The following STPG2 variants were observed in gnomAD, a reference collection of about 807,000 sequenced individuals.
STPG2 encodes sperm-tail PG-rich repeat-containing protein 2.
STPG2 carries 56 observed loss-of-function variants against 54.2 expected under a neutral mutation model. The observed-to-expected ratio is 1.03, with a 90% CI of 0.83 to 1.29. STPG2 has a LOEUF of 1.29. Ranked by LOEUF, STPG2 falls within the 50% of genes most tolerant of loss-of-function variation. The pLI is 0.00. For missense variants in STPG2, 596 were observed against 544.9 expected (o/e 1.09, Z -0.93); for synonymous variants, 200 against 181.8 (o/e 1.10, Z -0.81).
chr4:97,523,316 C>T (rs1438443404), intron 4 of STPG2, among the ~76,000 whole-genome samples: 2 of 151,708 alleles, frequency 1.3e-5, no homozygotes, highest in African/African-American at 4.8e-5. Flanking sequence ...TCATTTTTAT[C>T]ATCTATAAAA....
intron 10 of STPG2, among the ~76,000 whole-genome samples, chr4:97,665,735 A>C (rs1722503050): frequency 6.6e-6 from 1 of 152,030 alleles, no homozygotes; most frequent in African/African-American, 2.4e-5. Flanking sequence ...GCGGAGGGGT[A>C]CCTGCAGACC....
intron 4 of STPG2, among the ~76,000 whole-genome samples, chr4:97,469,946 A>G (rs1401037209): frequency 6.6e-6 from 1 of 152,060 alleles, no homozygotes; most frequent in East Asian, 1.9e-4. Context: ...AATTAAAGAG[A>G]TTTTAATTTG....
At chr4:97,858,457 A>C (rs1729400911) in intron 8 of STPG2, among the ~76,000 whole-genome samples, 1 of 152,152 alleles carries the variant, frequency 6.6e-6, no homozygotes. Flanking sequence ...TTTCAGTTGC[A>C]CAAAGAAGTT....
chr4:97,764,112 GCA>G (rs3974908), intron 9 of STPG2, among the ~76,000 whole-genome samples: 10,126 of 140,564 alleles, frequency 0.072, 331 homozygotes, highest in Non-Finnish European at 0.078. Flanking sequence ...AACACCACAT[GCA>G]CACACACACA....
At chr4:97,865,761 T>C (rs1360486949) in intron 8 of STPG2, among the ~76,000 whole-genome samples, 1 of 151,922 alleles carries the variant, frequency 6.6e-6, no homozygotes, top group Non-Finnish European at 1.5e-5. Context: ...AATGAGGAGT[T>C]AATGGTGCAG....
intron 10 of STPG2, among the ~76,000 whole-genome samples, chr4:97,665,974 A>G (rs1722509109): frequency 6.6e-6 from 1 of 152,146 alleles, no homozygotes; most frequent in African/African-American, 2.4e-5. Context: ...GCAGGCACTT[A>G]CAAGCCTATG....
chr4:97,733,607 T>A (rs1370533732), intron 9 of STPG2, among the ~76,000 whole-genome samples: 1 of 152,006 alleles, frequency 6.6e-6, no homozygotes, highest in East Asian at 1.9e-4. Flanking sequence ...TTTAACAAAA[T>A]GTCTATGGAG....
chr4:97,826,568 CT>C, intron 9 of STPG2, among the ~76,000 whole-genome samples: 1 of 152,064 alleles, frequency 6.6e-6, no homozygotes, highest in East Asian at 1.9e-4. Context: ...AGAACCTTAC[CT>C]TATGGTCAAA....
chr4:97,729,244 T>C (rs1403710743), intron 9 of STPG2, among the ~76,000 whole-genome samples: 1 of 151,952 alleles, frequency 6.6e-6, no homozygotes, highest in Non-Finnish European at 1.5e-5. Flanking sequence ...GTGACACTGG[T>C]AGACTTTAGG....
chr4:97,632,250 A>G (rs1037929424), intron 10 of STPG2, among the ~76,000 whole-genome samples: 1 of 151,306 alleles, frequency 6.6e-6, no homozygotes, highest in Non-Finnish European at 1.5e-5. Context: ...TTTTAGGTTT[A>G]CTAAAATTTC....
At chr4:98,007,544 T>C (rs1199121385) in intron 5 of STPG2, among the ~76,000 whole-genome samples, 2 of 152,046 alleles carry the variant, frequency 1.3e-5, no homozygotes, top group East Asian at 3.9e-4. Flanking sequence ...TACTGGAATA[T>C]GAAAAAGCAG....
At chr4:97,645,577 T>C (rs1721890973) in intron 10 of STPG2, among the ~76,000 whole-genome samples, 1 of 152,124 alleles carries the variant, frequency 6.6e-6, no homozygotes, top group Admixed American at 6.6e-5. Flanking sequence ...ATGACATAAT[T>C]AATAGGCATT....
chr4:97,904,802 T>G (rs1266641477), intron 8 of STPG2, among the ~76,000 whole-genome samples: 1 of 151,974 alleles, frequency 6.6e-6, no homozygotes, highest in Non-Finnish European at 1.5e-5. Context: ...GAGAACTACG[T>G]GAAGAATGCA....
chr4:97,923,704 A>G (rs1356924247), intron 8 of STPG2, among the ~76,000 whole-genome samples: 1 of 152,130 alleles, frequency 6.6e-6, no homozygotes, highest in Non-Finnish European at 1.5e-5. Context: ...GAATGCACCA[A>G]TCGGCACTCT....
chr4:98,117,307 T>C (rs1739547772), intron 3 of STPG2, among the ~76,000 whole-genome samples: 1 of 152,022 alleles, frequency 6.6e-6, no homozygotes. Context: ...GGAGGATTCC[T>C]TCTATATGAT....
intron 4 of STPG2, among the ~76,000 whole-genome samples, chr4:97,541,116 C>T (rs1183885012): frequency 6.6e-6 from 1 of 152,032 alleles, no homozygotes; most frequent in Non-Finnish European, 1.5e-5. Context: ...GAAGTTCCGG[C>T]CAGGGCAATC....
chr4:97,822,164 A>T (rs973973254), intron 9 of STPG2, among the ~76,000 whole-genome samples: 1 of 152,238 alleles, frequency 6.6e-6, no homozygotes, highest in African/African-American at 2.4e-5. Context: ...TGTTAGAAGC[A>T]AACAGGCCAT....
intron 4 of STPG2, among the ~76,000 whole-genome samples, chr4:97,526,025 A>G (rs1403955806): frequency 1.3e-5 from 2 of 152,094 alleles, no homozygotes; most frequent in African/African-American, 4.8e-5. Context: ...CATTCATAAC[A>G]CCATTACCTT....
intron 7 of STPG2, among the ~76,000 whole-genome samples, chr4:97,945,428 T>C (rs962837696): frequency 3.3e-5 from 5 of 152,176 alleles, no homozygotes; most frequent in African/African-American, 1.2e-4. Flanking sequence ...CCATGGTGTA[T>C]ATATACCACA....
Sources: allele counts gnomAD v4.1 joint callset (sites outside exome capture counted in the v4.1 genomes callset), GRCh38; gene constraint gnomAD v4.1.1; transcripts MANE v1.5; gene names NCBI Gene and HGNC (gene_info 2026-07-23, HGNC 2026-07-21).